The following ERRFI1 variants were observed in gnomAD, a reference collection of about 807,000 sequenced individuals.
The protein encoded by ERRFI1 is ERBB receptor feedback inhibitor 1, also known as mitogen-inducible gene 6 protein.
Under a neutral mutation model 14.6 loss-of-function variants are expected in ERRFI1, and 12 were observed. That is an observed-to-expected ratio of 0.82 (90% CI 0.53 to 1.33). The LOEUF (loss-of-function observed/expected upper bound fraction) is 1.33. ERRFI1 is among the 40% of genes most tolerant of loss of function. The pLI, the probability that ERRFI1 is intolerant of heterozygous loss-of-function variation, is 0.00. For synonymous variants in ERRFI1, 202 were observed against 209.9 expected (o/e 0.96, Z 0.32); for missense variants, 482 against 572.1 (o/e 0.84, Z 1.61).
chr1:8,015,389 AAGGAGAGGAAGCTACTT>A lies in ERRFI1; in HGVS notation c.126-22_126-6del. On this transcript the variant is annotated splice_region_variant and splice_polypyrimidine_tract_variant and intron_variant, in intron 2 of 3. Transcript: ENST00000377482. ...GGGTCAATATTTAAAAAGTTGCTGA[AAGGAGAGGAAGCTACTT>A]TGGTCATAAGCGAAGAGCAATCACA... The A allele has an allele frequency of 6.2e-7, 1 of 1,614,142 alleles. No homozygotes were observed. Among genetic ancestry groups the A allele is most frequent in the Non-Finnish European group, 8.5e-7 (1 of 1,179,950 alleles).
In ERRFI1 at chr1:8,015,595, G is replaced by A. The variant is rs772410037; in HGVS notation, c.25C>T (p.Gln9Ter). MSIAGVAA[Q>*]EIRVPLKTGF... ...GTTTTTAATGGGACTCTGATCTCCT[G>A]AGCAGCAACTCCTGCTATTGACATT... is the stretch of plus-strand genomic sequence containing the variant. The change falls in exon 2 of 4, where the codon CAG (glutamine) becomes TAG (stop). Residue 9 changes from glutamine to a stop codon, truncating the protein, a stop_gained. Coordinates refer to ENST00000377482, the MANE Select transcript of ERRFI1 (RefSeq NM_018948.4). LOFTEE classifies it high-confidence loss of function. The A allele has an allele frequency of 1.2e-6, 2 of 1,614,106 alleles. No individual in the cohort carries two copies. The highest frequency in any genetic ancestry group is 1.7e-6 in the Non-Finnish European group (2 of 1,179,976).
At chr1:8,023,201 A>G (rs995255122) in intron 1 of ERRFI1, among the ~76,000 whole-genome samples, 21 of 152,218 alleles carry the variant, frequency 1.4e-4, no homozygotes, top group Admixed American at 3.9e-4. Context: ...CTTTTGGATA[A>G]TGTCTTCCAA....
Position 8,014,219 on chromosome 1 carries a change from G to A in ERRFI1, c.380C>T (p.Thr127Ile), listed in dbSNP as rs2124061992. The A allele has an allele frequency of 6.2e-7, 1 of 1,614,100 alleles. No individual in the cohort carries two copies. The highest frequency in any genetic ancestry group is 8.5e-7 in the Non-Finnish European group (1 of 1,180,008). ...KLTVNGVCAS[T>I]PPLTPIKNSP... ...GTTTTTTATGGGTGTCAGTGGAGGG[G>A]TGGAAGCACAAACCCCATTCACTGT... The change falls in exon 4 of 4, where the codon ACC becomes ATC. Residue 127 changes from threonine to isoleucine, a missense_variant. Transcript: ENST00000377482.
chr1:8,020,264 T>G (rs1641256875), intron 1 of ERRFI1, among the ~76,000 whole-genome samples: 1 of 152,158 alleles, frequency 6.6e-6, no homozygotes, highest in African/African-American at 2.4e-5. Flanking sequence ...AATTTCCTCC[T>G]TTCAATCTGG....
chr1:8,019,595 A>G (rs1212336512), intron 1 of ERRFI1, among the ~76,000 whole-genome samples: 2 of 152,194 alleles, frequency 1.3e-5, no homozygotes, highest in African/African-American at 2.4e-5. Flanking sequence ...TATCCATCTC[A>G]TTTTTAAAAA....
Position 8,015,506 on chromosome 1 carries a change from A to C in ERRFI1, c.114T>G (p.Ser38Arg), listed in dbSNP as rs773420542. ...CATCCTCTACTTACTTTTTAAACTC[A>C]CTGCGACTGCTCCAGTAGGTCTTCC... ...NMRKTYWSSR[S>R]EFKNNFLNID... is the part of the protein sequence containing the mutation. The change falls in exon 2 of 4, where the codon AGT becomes AGG. Residue 38 changes from serine to arginine, a missense_variant. Physicochemically the swap from Ser to Arg is moderately radical, Grantham distance 110. Coordinates refer to ENST00000377482, the MANE Select transcript of ERRFI1 (RefSeq NM_018948.4). 1.1e-5 allele frequency: 18 copies of C among 1,614,036 alleles called. No homozygotes were observed. The highest frequency in any genetic ancestry group is 1.5e-5 in the Non-Finnish European group (18 of 1,180,004).
intron 1 of ERRFI1, among the ~76,000 whole-genome samples, chr1:8,025,034 G>A (rs1641324581): frequency 6.6e-6 from 1 of 152,066 alleles, no homozygotes; most frequent in African/African-American, 2.4e-5. Context: ...TGTTCTGGAA[G>A]GGAAAAAAAG....
intron 1 of ERRFI1, among the ~76,000 whole-genome samples, chr1:8,020,539 CA>C (rs1045671257): frequency 7.0e-6 from 1 of 143,780 alleles, no homozygotes; most frequent in East Asian, 2.0e-4. Flanking sequence ...AACAAACAAA[CA>C]AAAAAACACC....
chr1:8,013,660 TTCA>T lies in ERRFI1; in HGVS notation c.936_938del (p.Asp312del). 1 of 1,614,164 alleles carries T rather than the reference TTCA, an allele frequency of 6.2e-7. No individual in the cohort carries two copies. The highest frequency in any genetic ancestry group is 1.3e-5 in the African/African-American group (1 of 75,028). ...TTGGCGGTACTTTGGGAGGCCTGTC[TTCA>T]TCACTATAGGTGCTCGAAGTAACTT... On this transcript the variant is annotated inframe_deletion, in exon 4 of 4. Coordinates refer to ENST00000377482, the MANE Select transcript of ERRFI1 (RefSeq NM_018948.4). This position sits in a 1 kb window ranked among gnomAD's most constrained non-coding sequence, Gnocchi z 4.3.
rs764902791 is a variant in ERRFI1 at position 8,013,405 on chromosome 1, A to G, written c.1194T>C (p.Pro398=). The G allele has an allele frequency of 6.2e-7, 1 of 1,614,210 alleles. No individual in the cohort carries two copies. The highest frequency in any genetic ancestry group is 1.1e-5 in the South Asian group (1 of 91,082). ...ATTTGTCCAGGTATGGTGGTCGTTC[A>G]GGTAGTAGGTAATAATGTGTTGAAC... ...KVSSTHYYLL[P]ERPPYLDKYE... is the part of the protein sequence containing the mutation. Residue 398 remains proline, a synonymous_variant, in exon 4 of 4, where the codon CCT becomes CCC. Coordinates refer to ENST00000377482, the MANE Select transcript of ERRFI1 (RefSeq NM_018948.4). The surrounding 1 kb of genome is among the most constrained non-coding windows in gnomAD (Gnocchi z 4.3).
intron 3 of ERRFI1, 116 bp downstream of exon 3, chr1:8,015,192 T>C (rs1641155393): frequency 2.3e-6 from 2 of 863,644 alleles, no homozygotes; most frequent in South Asian, 3.1e-5. Flanking sequence ...GGTCAGGCTG[T>C]TGTTGGAAAT....
At chr1:8,016,264 G>A (rs560102635) in intron 1 of ERRFI1, among the ~76,000 whole-genome samples, 48 of 152,204 alleles carry the variant, frequency 3.2e-4, no homozygotes, top group Non-Finnish European at 6.8e-4. Flanking sequence ...GCCATGGGGA[G>A]ACAAATTCTC....
intron 1 of ERRFI1, among the ~76,000 whole-genome samples, chr1:8,015,911 G>A (rs1197624795): frequency 1.3e-5 from 2 of 152,170 alleles, no homozygotes; most frequent in African/African-American, 4.8e-5. Context: ...GACATGAAAT[G>A]TTTTAGTGAA....
At chr1:8,025,810 C>T (rs1177753155) in intron 1 of ERRFI1, among the ~76,000 whole-genome samples, 1 of 152,164 alleles carries the variant, frequency 6.6e-6, no homozygotes, top group Non-Finnish European at 1.5e-5. Flanking sequence ...GGGGACGTAT[C>T]CCGGGCGCTC....
chr1:8,023,886 T>G (rs1359701932), intron 1 of ERRFI1, among the ~76,000 whole-genome samples: 1 of 152,230 alleles, frequency 6.6e-6, no homozygotes, highest in Admixed American at 6.5e-5. Context: ...TGCGTTTATG[T>G]AGCGAGTTCT....
intron 1 of ERRFI1, among the ~76,000 whole-genome samples, chr1:8,023,809 G>A (rs904433055): frequency 6.6e-6 from 1 of 152,026 alleles, no homozygotes; most frequent in Admixed American, 6.6e-5. Context: ...AAACTCATTC[G>A]CCTCATCTAC....
chr1:8,024,237 G>A (rs1641313706), intron 1 of ERRFI1, among the ~76,000 whole-genome samples: 1 of 152,120 alleles, frequency 6.6e-6, no homozygotes, highest in Non-Finnish European at 1.5e-5. Context: ...GCAGTCAAGA[G>A]GTATTTTCAC....
At chr1:8,024,992 C>T (rs1325659105) in intron 1 of ERRFI1, among the ~76,000 whole-genome samples, 1 of 152,104 alleles carries the variant, frequency 6.6e-6, no homozygotes, top group Admixed American at 6.5e-5. Flanking sequence ...GTACCCACTG[C>T]ATTCTTACAC....
intron 1 of ERRFI1, among the ~76,000 whole-genome samples, chr1:8,021,882 C>CA (rs1326624562): frequency 1.3e-5 from 2 of 152,218 alleles, no homozygotes; most frequent in African/African-American, 4.8e-5. Flanking sequence ...CCAGGCCCTT[C>CA]ACCAACACAC....
Sources: gnomAD v4.1 joint callset for allele counts (sites outside exome capture counted in the v4.1 genomes callset) on GRCh38, gnomAD v4.1.1 for gene constraint, Gnocchi (gnomAD v3.1) non-coding constraint, MANE v1.5 for transcripts, NCBI Gene and HGNC (gene_info 2026-07-23, HGNC 2026-07-21) for gene names.